Variants in TMEM232 observed in about 807,000 individuals in gnomAD.
TMEM232 encodes transmembrane protein 232.
Under a neutral mutation model 78.8 loss-of-function variants are expected in TMEM232, and 80 were observed. The observed-to-expected ratio is 1.01, with a 90% CI of 0.85 to 1.22. TMEM232 has a LOEUF of 1.22. Among genes scored for constraint, TMEM232 ranks in the 50% most tolerant of loss-of-function variants. The probability of loss-of-function intolerance (pLI) is 0.00; values close to 1 mark genes in which losing one functional copy is unlikely to be tolerated. For missense variants in TMEM232, 881 were observed against 742.2 expected, an observed-to-expected ratio of 1.19 and a Z score of -2.17; for synonymous variants, 297 against 254.3, an observed-to-expected ratio of 1.17 and a Z score of -1.60.
intron 12 of TMEM232, among the ~76,000 whole-genome samples, chr5:110,498,643 C>T (rs1348773251): frequency 1.3e-5 from 2 of 152,124 alleles, no homozygotes; most frequent in Admixed American, 6.6e-5. Flanking sequence ...ATTTATGTGA[C>T]TTCACTTAAG....
At chr5:110,529,248 T>A (rs1771068969) in intron 11 of TMEM232, among the ~76,000 whole-genome samples, 1 of 151,342 alleles carries the variant, frequency 6.6e-6, no homozygotes, top group Admixed American at 6.6e-5. Flanking sequence ...AACAGAGCAT[T>A]TTTTTTTTCT....
chr5:110,405,731 TAAAA>T (rs36094551), intron 2 of TMEM232, among the ~76,000 whole-genome samples: 2 of 135,702 alleles, frequency 1.5e-5, no homozygotes, highest in South Asian at 2.3e-4. Flanking sequence ...GGACACAGTT[TAAAA>T]AAAAAAAAAA....
At chr5:110,505,396 G>C (rs1353818482) in intron 12 of TMEM232, among the ~76,000 whole-genome samples, 2 of 152,146 alleles carry the variant, frequency 1.3e-5, no homozygotes, top group African/African-American at 4.8e-5. Flanking sequence ...GGGGAGCAGA[G>C]GAGAAAAAGC....
chr5:110,557,077 C>T (rs1020291777), intron 11 of TMEM232, among the ~76,000 whole-genome samples: 1 of 151,954 alleles, frequency 6.6e-6, no homozygotes, highest in Admixed American at 6.6e-5. Flanking sequence ...TCTTTGTATT[C>T]TCTTTTATAT....
chr5:110,599,471 G>C (rs1780621881), intron 10 of TMEM232, among the ~76,000 whole-genome samples: 1 of 152,068 alleles, frequency 6.6e-6, no homozygotes, highest in Non-Finnish European at 1.5e-5. Flanking sequence ...AAGGAATGGA[G>C]GAACATTTAC....
intron 1 of TMEM232, among the ~76,000 whole-genome samples, chr5:110,710,428 CAA>C (rs1261631630): frequency 1.3e-5 from 2 of 152,036 alleles, no homozygotes; most frequent in East Asian, 3.9e-4. Flanking sequence ...CAAAATCAGA[CAA>C]AGACATATTA....
chr5:110,522,021 T>C (rs1246409825), intron 12 of TMEM232, among the ~76,000 whole-genome samples: 1 of 152,214 alleles, frequency 6.6e-6, no homozygotes. Context: ...TTGATTGCAT[T>C]GAATCTGTGA....
intron 12 of TMEM232, among the ~76,000 whole-genome samples, chr5:110,479,188 T>A (rs1368404119): frequency 2.6e-5 from 4 of 151,810 alleles, no homozygotes; most frequent in Admixed American, 6.6e-5. Flanking sequence ...AATTGATTTG[T>A]TTTCTTTTTG....
chr5:110,401,451 C>T (rs1297789310), intron 2 of TMEM232, among the ~76,000 whole-genome samples: 1 of 151,998 alleles, frequency 6.6e-6, no homozygotes, highest in African/African-American at 2.4e-5. Flanking sequence ...TCGACATACC[C>T]TCCTGAGCTA....
downstream of TMEM232, among the ~76,000 whole-genome samples, chr5:110,415,140 A>C (rs1462489745): frequency 6.6e-6 from 1 of 151,346 alleles, no homozygotes; most frequent in Non-Finnish European, 1.5e-5. Context: ...CCTTCTCCTG[A>C]GGTACAGAGT....
chr5:110,637,328 T>TC, intron 5 of TMEM232, among the ~76,000 whole-genome samples: 2 of 151,746 alleles, frequency 1.3e-5, no homozygotes, highest in South Asian at 2.1e-4. Flanking sequence ...CTATTATGTA[T>TC]TCTCTGTATC....
At chr5:110,563,841 T>C (rs187466273) in intron 11 of TMEM232, among the ~76,000 whole-genome samples, 1 of 152,068 alleles carries the variant, frequency 6.6e-6, no homozygotes, top group Admixed American at 6.6e-5. Flanking sequence ...GTCCATGAAA[T>C]TCAAGACAAT....
intron 12 of TMEM232, among the ~76,000 whole-genome samples, chr5:110,493,012 G>C (rs969347222): frequency 1.3e-5 from 2 of 151,718 alleles, no homozygotes; most frequent in African/African-American, 4.8e-5. Flanking sequence ...TCATAGAAAA[G>C]GGGATAAATT....
At chr5:110,414,948 C>G (rs1756135639), downstream of TMEM232, among the ~76,000 whole-genome samples, 1 of 152,158 alleles carries the variant, frequency 6.6e-6, no homozygotes, top group Admixed American at 6.5e-5. Flanking sequence ...TACCAGAGAC[C>G]TGTCTCCTAT....
At chr5:110,646,721 T>C (rs1018452644) in intron 2 of TMEM232, among the ~76,000 whole-genome samples, 11 of 151,770 alleles carry the variant, frequency 7.2e-5, no homozygotes, top group Non-Finnish European at 1.3e-4. Flanking sequence ...GTGCACAGTA[T>C]AAAAACAATC....
intron 2 of TMEM232, among the ~76,000 whole-genome samples, chr5:110,410,519 A>G (rs532191304): frequency 2.0e-5 from 3 of 152,198 alleles, no homozygotes; most frequent in Non-Finnish European, 2.9e-5. Flanking sequence ...GCCACACTCA[A>G]TTGGATGGCA....
At chr5:110,624,336 A>G (rs1280268716) in intron 7 of TMEM232, among the ~76,000 whole-genome samples, 3 of 152,058 alleles carry the variant, frequency 2.0e-5, no homozygotes, top group Admixed American at 2.0e-4. Context: ...ACAACCCTGT[A>G]AAAGAGTTAG....
chr5:110,679,407 G>A (rs994894037), intron 1 of TMEM232, among the ~76,000 whole-genome samples: 7 of 152,050 alleles, frequency 4.6e-5, no homozygotes, highest in South Asian at 2.1e-4. Flanking sequence ...TAAGAGCTCC[G>A]TGTATATTCT....
intron 10 of TMEM232, among the ~76,000 whole-genome samples, chr5:110,591,701 T>G (rs150355604): frequency 6.6e-6 from 1 of 152,286 alleles, no homozygotes; most frequent in East Asian, 1.9e-4. Context: ...TTAAATGCTT[T>G]GATCTAGGAT....
Sources: gnomAD v4.1 joint callset for allele counts (sites outside exome capture counted in the v4.1 genomes callset) on GRCh38, gnomAD v4.1.1 for gene constraint, MANE v1.5 for transcripts, NCBI Gene and HGNC (gene_info 2026-07-23, HGNC 2026-07-21) for gene names.